ABCB7: variants seen among roughly 807,000 people sequenced by gnomAD.
ABCB7 encodes the protein ATP binding cassette subfamily B member 7, also known as iron-sulfur clusters transporter ABCB7, mitochondrial.
Under a neutral mutation model 54.4 loss-of-function variants are expected in ABCB7, and 7 were observed. The observed-to-expected ratio is 0.13, with a 90% CI of 0.07 to 0.24. The LOEUF is 0.24. Among genes scored for constraint, ABCB7 ranks in the 10% least tolerant of loss-of-function variants. The pLI is 1.00. For synonymous variants in ABCB7, 218 were observed against 207.1 expected (o/e 1.05, Z -0.45); for missense variants, 356 against 570.4 (o/e 0.62, Z 3.83).
intron 1 of ABCB7, among the ~76,000 whole-genome samples, chrX:75,150,733 T>C (rs2082125013): frequency 8.9e-6 from 1 of 111,768 alleles, no homozygotes; most frequent in African/African-American, 3.2e-5. Flanking sequence ...TATTTTACAA[T>C]ATGGGAAAGA....
intron 1 of ABCB7, among the ~76,000 whole-genome samples, chrX:75,155,298 G>A (rs1157490783): frequency 8.9e-6 from 1 of 112,911 alleles, no homozygotes; most frequent in African/African-American, 3.2e-5. Context: ...ATATTTTAAA[G>A]TGATAGTGAT....
At chrX:75,074,332 T>C (rs894229750) in intron 6 of ABCB7, among the ~76,000 whole-genome samples, 12 of 111,549 alleles carry the variant, frequency 1.1e-4, no homozygotes, top group Non-Finnish European at 1.3e-4. Flanking sequence ...GAATGGCTAT[T>C]ATTAAAAAGT....
chrX:75,146,164 T>C (rs1485538510), intron 1 of ABCB7, among the ~76,000 whole-genome samples: 1 of 110,506 alleles, frequency 9.0e-6, no homozygotes, highest in Non-Finnish European at 1.9e-5. Context: ...AAATCAGAGA[T>C]GACACAAACA....
Position 75,098,993 on chromosome X carries a change from T to C in ABCB7, c.402A>G (p.Pro134=). ...AAATGGCAACTCTAGCTCGTAGATC[T>C]GGCCTGTCTTTGGGCCACACATAAG... ...MLSYVWPKDR[P]DLRARVAISL... The change falls in exon 4 of 16, where the codon CCA becomes CCG. Residue 134 remains proline (P), a synonymous_variant. Transcript: ENST00000373394. 1.7e-6 allele frequency: 2 copies of C among 1,211,682 alleles called. No homozygotes were observed. The highest frequency in any genetic ancestry group is 2.2e-6 in the Non-Finnish European group (2 of 895,243).
intron 4 of ABCB7, among the ~76,000 whole-genome samples, chrX:75,094,893 C>T (rs2081577966): frequency 9.0e-6 from 1 of 110,552 alleles, no homozygotes; most frequent in South Asian, 3.9e-4. Context: ...CGCTAAAATA[C>T]ATCTTATATA....
chrX:75,084,009 T>C (rs894398187), intron 4 of ABCB7, among the ~76,000 whole-genome samples: 4 of 110,314 alleles, frequency 3.6e-5, no homozygotes, highest in African/African-American at 6.6e-5. Flanking sequence ...AAGAGGAAAG[T>C]AGGAGAGTCA....
At chrX:75,139,006 CAAAA>C (rs60785681) in intron 1 of ABCB7, among the ~76,000 whole-genome samples, 6 of 57,848 alleles carry the variant, frequency 1.0e-4, no homozygotes, top group Non-Finnish European at 3.3e-5. Flanking sequence ...GACTCTGCCT[CAAAA>C]AAAAAAAAAA....
chrX:75,072,951 C>T (rs183172056), intron 8 of ABCB7, among the ~76,000 whole-genome samples: 2,335 of 104,494 alleles, frequency 0.022, 72 homozygotes, highest in African/African-American at 0.077. Context: ...ACTTTTTAAA[C>T]TTTTTTGTTA....
chrX:75,066,503 AT>A (rs2081319350), intron 12 of ABCB7, among the ~76,000 whole-genome samples: 3 of 111,076 alleles, frequency 2.7e-5, no homozygotes, highest in East Asian at 2.8e-4. Flanking sequence ...ATAAATACTG[AT>A]TTTTTTGGTG....
chrX:75,111,142 A>G (rs2081756797), intron 3 of ABCB7, among the ~76,000 whole-genome samples: 1 of 111,888 alleles, frequency 8.9e-6, no homozygotes, highest in Admixed American at 9.4e-5. Flanking sequence ...AGTTGGTTAT[A>G]AGGTAAAATC....
chrX:75,064,927 TAGG>T (rs1010143593), intron 13 of ABCB7, 140 bp downstream of exon 13: 139 of 676,403 alleles, frequency 2.1e-4, no homozygotes, highest in Admixed American at 7.7e-4. Flanking sequence ...TAGTGAGGGC[TAGG>T]AGATTAGTAA....
intron 4 of ABCB7, among the ~76,000 whole-genome samples, chrX:75,097,896 C>T (rs1194910992): frequency 8.9e-6 from 1 of 111,965 alleles, no homozygotes; most frequent in Non-Finnish European, 1.9e-5. Flanking sequence ...CTGAGGCACA[C>T]AGACTAAACA....
chrX:75,089,004 A>G (rs972400105), intron 4 of ABCB7, among the ~76,000 whole-genome samples: 3 of 111,158 alleles, frequency 2.7e-5, no homozygotes, highest in African/African-American at 9.7e-5. Flanking sequence ...ATAACAGTGA[A>G]GGCAAGCAAG....
chrX:75,071,419 A>G, intron 9 of ABCB7, 90 bp downstream of exon 9: 1 of 1,026,535 alleles, frequency 9.7e-7, no homozygotes, highest in Admixed American at 2.2e-5. Context: ...AACATCCTTT[A>G]TAATTAAGAT....
chrX:75,088,556 T>C (rs1157866934), intron 4 of ABCB7, among the ~76,000 whole-genome samples: 2 of 110,885 alleles, frequency 1.8e-5, no homozygotes, highest in African/African-American at 6.5e-5. Context: ...GGACACAAAA[T>C]AGAAAAGAAT....
chrX:75,114,910 AC>A, intron 1 of ABCB7, 79 bp from the exon 2 acceptor site: 1 of 844,738 alleles, frequency 1.2e-6, no homozygotes, highest in East Asian at 3.8e-5. Context: ...TTGTTCATAA[AC>A]ATACAGAAAA....
intron 15 of ABCB7, among the ~76,000 whole-genome samples, chrX:75,058,692 C>T (rs956248769): frequency 1.8e-5 from 2 of 111,242 alleles, no homozygotes; most frequent in Admixed American, 1.9e-4. Context: ...AACCCAAAAC[C>T]CAAGTGGCAA....
chrX:75,068,912 A>G, intron 12 of ABCB7, 95 bp downstream of exon 12: 1 of 983,809 alleles, frequency 1.0e-6, no homozygotes, highest in Non-Finnish European at 1.4e-6. Flanking sequence ...CTACTTCAGT[A>G]GCATATGTTG....
At chrX:75,154,761 C>T (rs1039535684) in intron 1 of ABCB7, among the ~76,000 whole-genome samples, 2 of 112,186 alleles carry the variant, frequency 1.8e-5, no homozygotes, top group Non-Finnish European at 3.8e-5. Context: ...TGTCCCATAC[C>T]TTGTACCTTT....
Sources: gnomAD v4.1 joint callset for allele counts (sites outside exome capture counted in the v4.1 genomes callset) on GRCh38, gnomAD v4.1.1 for gene constraint, MANE v1.5 for transcripts, NCBI Gene and HGNC (gene_info 2026-07-23, HGNC 2026-07-21) for gene names.